Variants in TTC8 observed in about 807,000 individuals in gnomAD.
TTC8 encodes the protein tetratricopeptide repeat domain 8.
In TTC8, 47 loss-of-function variants were observed where a neutral mutation model predicts 72.5. The ratio of observed to expected loss-of-function variants is 0.65; its 90% CI spans 0.51 to 0.83. The LOEUF (loss-of-function observed/expected upper bound fraction) is 0.83. Ranked by LOEUF, TTC8 falls within the 40% of genes least tolerant of loss-of-function variation. The pLI, the probability that TTC8 is intolerant of heterozygous loss-of-function variation, is 0.00. For synonymous variants in TTC8, 199 were observed against 221.4 expected, an observed-to-expected ratio of 0.90 and a Z score of 0.90; for missense variants, 611 against 623.2, an observed-to-expected ratio of 0.98 and a Z score of 0.21.
At chr14:88,856,024 C>T (rs953183543) in intron 8 of TTC8, among the ~76,000 whole-genome samples, 6 of 152,308 alleles carry the variant, frequency 3.9e-5, no homozygotes, top group South Asian at 2.1e-4. Flanking sequence ...GGCAAGGCTG[C>T]GGTGAGCTGT....
At chr14:88,854,862 T>C (rs1245707635) in intron 8 of TTC8, among the ~76,000 whole-genome samples, 1 of 152,120 alleles carries the variant, frequency 6.6e-6, no homozygotes, top group Non-Finnish European at 1.5e-5. Context: ...TAAAGCTTTC[T>C]TTTTTATAGA....
upstream of TTC8, chr14:88,824,315 A>G (rs1459443575): frequency 9.5e-6 from 2 of 209,798 alleles, no homozygotes; most frequent in Non-Finnish European, 2.0e-5. Flanking sequence ...GACACCAGAC[A>G]GAGATCAACT....
At chr14:88,863,582 T>G (rs937030246) in intron 10 of TTC8, among the ~76,000 whole-genome samples, 1 of 152,250 alleles carries the variant, frequency 6.6e-6, no homozygotes, top group Non-Finnish European at 1.5e-5. Flanking sequence ...CCACACTGTT[T>G]ACGCAAACAG....
intron 7 of TTC8, among the ~76,000 whole-genome samples, chr14:88,845,552 C>T (rs562582960): frequency 2.0e-5 from 3 of 152,248 alleles, no homozygotes; most frequent in African/African-American, 7.2e-5. Flanking sequence ...AAACCATGCA[C>T]ACTTCTGTAA....
intron 10 of TTC8, among the ~76,000 whole-genome samples, chr14:88,866,162 C>T (rs2094908338): frequency 6.6e-6 from 1 of 151,660 alleles, no homozygotes; most frequent in Non-Finnish European, 1.5e-5. Context: ...GACACAAAGT[C>T]AAAAAGCCAT....
At position 88,871,491 on chromosome 14, in the gene TTC8, G is replaced by T; in HGVS notation, c.1050-58G>T. On this transcript the variant is annotated intron_variant, in intron 11 of 14. Coordinates refer to ENST00000380656, the MANE Select transcript of TTC8 (RefSeq NM_144596.4). The surrounding 1 kb of genome is among the most constrained non-coding windows in gnomAD (Gnocchi z 4.1). ...AACTGTGTAAAATATATATATATAT[G>T]TCTTAAAACTTACAAAGTTGGTCTG... The T allele has an allele frequency of 7.1e-7, 1 of 1,412,906 alleles. No individual in the cohort carries two copies. The highest frequency in any genetic ancestry group is 1.2e-5 in the South Asian group (1 of 83,120). 87.5% of individuals were successfully genotyped at this position (1,412,906 alleles called of 1,614,324 possible). A position where few individuals can be genotyped will look rare whatever the true frequency, so the allele number is the denominator to read the frequency against.
At position 88,847,316 on chromosome 14, in the gene TTC8, A is replaced by C. The variant is rs146305275; in HGVS notation, c.624+3466A>C. ...TCAAAAACCAGAGCTCCCTATAGCA[A>C]ACAAAACAAGAGGGAGGTGTGTTAC... On this transcript the variant is annotated intron_variant, in intron 7 of 14. Transcript: ENST00000380656. Among the ~76,000 whole-genome samples, 1,035 of 152,330 alleles carry C rather than the reference A, an allele frequency of 6.8e-3. 32 individuals carry two copies. The highest frequency in any genetic ancestry group is 0.06 in the Admixed American group (915 of 15,294).
intron 13 of TTC8, among the ~76,000 whole-genome samples, chr14:88,872,896 C>T (rs2094941187): frequency 6.6e-6 from 1 of 152,158 alleles, no homozygotes; most frequent in Non-Finnish European, 1.5e-5. Flanking sequence ...TTTCTCCATT[C>T]CCATGACCCT....
intron 10 of TTC8, among the ~76,000 whole-genome samples, chr14:88,869,019 G>T (rs1315964041): frequency 1.3e-5 from 2 of 152,138 alleles, no homozygotes; most frequent in African/African-American, 4.8e-5. Context: ...AGCACTGCAT[G>T]GTGCTTCTTA....
At chr14:88,839,642 TA>T (rs138047926) in intron 3 of TTC8, 70 bp downstream of exon 3, 118,703 of 1,510,862 alleles carry the variant, frequency 0.079, 5,341 homozygotes, top group Non-Finnish European at 0.092. Context: ...ATAAGAGGAA[TA>T]TATATGCCTA....
intron 7 of TTC8, among the ~76,000 whole-genome samples, chr14:88,851,464 A>G (rs1443895531): frequency 6.6e-6 from 1 of 152,182 alleles, no homozygotes; most frequent in South Asian, 2.1e-4. Flanking sequence ...AAATTTTTGC[A>G]TGACATCTTT....
At chr14:88,870,289 G>T (rs922762634) in intron 11 of TTC8, 91 bp downstream of exon 11, 8 of 1,393,410 alleles carry the variant, frequency 5.7e-6, no homozygotes, top group Non-Finnish European at 8.1e-6. Context: ...GAGAAATAAG[G>T]TATAGGCCAT....
chr14:88,866,510 C>T (rs1410857525), intron 10 of TTC8, among the ~76,000 whole-genome samples: 4 of 151,886 alleles, frequency 2.6e-5, no homozygotes, highest in Non-Finnish European at 4.4e-5. Flanking sequence ...CTCTTGTTTC[C>T]TTTCAGCCTA....
chr14:88,845,814 A>G (rs2094803563), intron 7 of TTC8, among the ~76,000 whole-genome samples: 1 of 152,234 alleles, frequency 6.6e-6, no homozygotes, highest in Non-Finnish European at 1.5e-5. Flanking sequence ...GAGATCACAC[A>G]GTGAAACAGA....
chr14:88,831,731 A>T (rs1460345913), intron 1 of TTC8, among the ~76,000 whole-genome samples: 1 of 152,196 alleles, frequency 6.6e-6, no homozygotes, highest in African/African-American at 2.4e-5. Context: ...TATTTTTCTT[A>T]AAGGATTGCT....
chr14:88,877,438 T>G lies in TTC8; in HGVS notation c.*28T>G, dbSNP rs752238161. ...GTTCCTTAGACCACATATGTTCTTATGAAGCAGCATTATGCAAGGGGAAAA... is the reference window on the plus strand; with the variant it reads ...GTTCCTTAGACCACATATGTTCTTAGGAAGCAGCATTATGCAAGGGGAAAA... On this transcript the variant is annotated 3_prime_UTR_variant, in exon 15 of 15. Transcript: ENST00000380656. 3 of 1,567,708 alleles carry G rather than the reference T, an allele frequency of 1.9e-6. No individual in the cohort carries two copies. In the East Asian group the frequency reaches 6.7e-5, roughly 35 times the overall value.
intron 2 of TTC8, 68 bp from the exon 3 acceptor site, chr14:88,839,384 A>G (rs112856142): frequency 2.0e-6 from 3 of 1,518,916 alleles, no homozygotes; most frequent in African/African-American, 2.8e-5. Flanking sequence ...AAGGATGGCT[A>G]TTTCTATAAG....
At chr14:88,869,908 A>T in intron 10 of TTC8, 151 bp from the exon 11 acceptor site, 1 of 754,834 alleles carries the variant, frequency 1.3e-6, no homozygotes, top group Non-Finnish European at 2.2e-6. Flanking sequence ...CTTTTTGTTC[A>T]TATTGTATCC....
In TTC8 at chr14:88,839,625, A is replaced by G. The variant is rs1044660604; in HGVS notation, c.265+53A>G. On this transcript the variant is annotated intron_variant, in intron 3 of 14. Coordinates refer to ENST00000380656, the MANE Select transcript of TTC8 (RefSeq NM_144596.4). ...ATGAAATACCATTAAGAGGAAGAAT[A>G]CTGTGTATAAGAGGAATATATATGC... 140 of 1,593,964 alleles carry G rather than the reference A, an allele frequency of 8.8e-5. No individual in the cohort carries two copies. In the South Asian group the frequency reaches 1.4e-3, roughly 16 times the overall value.
Sources: gnomAD v4.1 joint callset for allele counts (sites outside exome capture counted in the v4.1 genomes callset) on GRCh38, gnomAD v4.1.1 for gene constraint, Gnocchi (gnomAD v3.1) non-coding constraint, MANE v1.5 for transcripts, NCBI Gene and HGNC (gene_info 2026-07-23, HGNC 2026-07-21) for gene names.